CCDC192: variants seen among roughly 807,000 people sequenced by gnomAD.
CCDC192 encodes coiled-coil domain-containing protein 192.
chr5:127,931,920 G>A (rs1490732216), intron 6 of CCDC192, among the ~76,000 whole-genome samples: 2 of 151,978 alleles, frequency 1.3e-5, no homozygotes, highest in African/African-American at 4.8e-5. Flanking sequence ...GGGAGGCCGA[G>A]GCAGGTGGAT....
At chr5:127,939,287 T>C (rs1754298550) in intron 6 of CCDC192, among the ~76,000 whole-genome samples, 1 of 151,702 alleles carries the variant, frequency 6.6e-6, no homozygotes, top group African/African-American at 2.4e-5. Flanking sequence ...CTGGCTAATA[T>C]TTGTATTTTT....
At chr5:127,852,817 G>A (rs1017665514) in intron 5 of CCDC192, among the ~76,000 whole-genome samples, 5 of 151,356 alleles carry the variant, frequency 3.3e-5, no homozygotes, top group East Asian at 3.9e-4. Flanking sequence ...ATCCCTGGCC[G>A]GGTGCGGTGG....
At chr5:127,929,509 A>G (rs1753959429) in intron 6 of CCDC192, among the ~76,000 whole-genome samples, 1 of 152,250 alleles carries the variant, frequency 6.6e-6, no homozygotes. Flanking sequence ...ATTGCATTCA[A>G]GTGTCCTGTC....
intron 3 of CCDC192, chr5:127,785,938 A>T: frequency 2.1e-6 from 1 of 477,866 alleles, no homozygotes; most frequent in Non-Finnish European, 4.0e-6. Context: ...ATGAAGGTCA[A>T]GCACCTTCTG....
intron 5 of CCDC192, among the ~76,000 whole-genome samples, chr5:127,819,984 C>T (rs1368850047): frequency 6.6e-6 from 1 of 152,216 alleles, no homozygotes. Flanking sequence ...CGCACACACA[C>T]TCTCTCACAC....
intron 5 of CCDC192, among the ~76,000 whole-genome samples, chr5:127,822,894 G>T (rs1415871554): frequency 6.6e-6 from 1 of 152,188 alleles, no homozygotes; most frequent in Admixed American, 6.5e-5. Context: ...CCTAGCTTCA[G>T]GGTTAGACCA....
intron 3 of CCDC192, among the ~76,000 whole-genome samples, chr5:127,773,230 A>C (rs1334908879): frequency 6.6e-6 from 1 of 152,200 alleles, no homozygotes; most frequent in African/African-American, 2.4e-5. Flanking sequence ...ATGTAATGCT[A>C]ACAATTTTCT....
chr5:127,780,464 C>T (rs1225485466), intron 3 of CCDC192, among the ~76,000 whole-genome samples: 2 of 152,194 alleles, frequency 1.3e-5, no homozygotes, highest in Non-Finnish European at 2.9e-5. Flanking sequence ...TCCCTGATCA[C>T]TGCATCCATG....
intron 5 of CCDC192, among the ~76,000 whole-genome samples, chr5:127,805,410 A>T (rs1757726852): frequency 6.6e-6 from 1 of 152,236 alleles, no homozygotes; most frequent in African/African-American, 2.4e-5. Flanking sequence ...TTTAAAGCCG[A>T]ATTTCACTTC....
intron 1 of CCDC192, among the ~76,000 whole-genome samples, chr5:127,706,003 G>A (rs961834850): frequency 5.3e-5 from 8 of 152,134 alleles, no homozygotes; most frequent in Non-Finnish European, 1.2e-4. Context: ...GGTGTCGTGC[G>A]AGAAAAGCAA....
chr5:127,758,016 C>T (rs567194385), intron 3 of CCDC192, among the ~76,000 whole-genome samples: 26 of 151,898 alleles, frequency 1.7e-4, no homozygotes, highest in African/African-American at 5.3e-4. Flanking sequence ...GTGGAAGACA[C>T]GACAAGAACC....
chr5:127,916,152 A>G (rs1268995825), intron 6 of CCDC192, among the ~76,000 whole-genome samples: 1 of 152,216 alleles, frequency 6.6e-6, no homozygotes, highest in Non-Finnish European at 1.5e-5. Context: ...AATAGCTTCT[A>G]TTTCAATAAA....
chr5:127,914,430 A>G (rs956212364), intron 6 of CCDC192, among the ~76,000 whole-genome samples: 7 of 152,218 alleles, frequency 4.6e-5, no homozygotes, highest in Non-Finnish European at 8.8e-5. Flanking sequence ...ACACCAATGT[A>G]TAAATACTAT....
intron 6 of CCDC192, among the ~76,000 whole-genome samples, chr5:127,877,892 C>T (rs192417809): frequency 6.6e-6 from 1 of 152,224 alleles, no homozygotes; most frequent in East Asian, 1.9e-4. Flanking sequence ...GAAAGATGCT[C>T]CAGTCATAAC....
chr5:127,814,948 GT>G (rs569860479), intron 5 of CCDC192, among the ~76,000 whole-genome samples: 4 of 151,864 alleles, frequency 2.6e-5, no homozygotes, highest in South Asian at 2.1e-4. Flanking sequence ...TCTCTGATGG[GT>G]TTTTTTTATT....
chr5:127,804,143 T>C (rs1757656326), intron 5 of CCDC192, among the ~76,000 whole-genome samples: 1 of 152,202 alleles, frequency 6.6e-6, no homozygotes, highest in Admixed American at 6.5e-5. Context: ...AGCGGACTGC[T>C]CCCTCCTAGA....
At chr5:127,719,728 A>G (rs955534013) in intron 2 of CCDC192, among the ~76,000 whole-genome samples, 2 of 150,248 alleles carry the variant, frequency 1.3e-5, no homozygotes, top group Non-Finnish European at 3.0e-5. Context: ...GGTTCTGCTC[A>G]TGGTTCTACA....
chr5:127,918,956 T>C (rs947599347), intron 6 of CCDC192, among the ~76,000 whole-genome samples: 2 of 128,224 alleles, frequency 1.6e-5, no homozygotes, highest in African/African-American at 6.8e-5. Flanking sequence ...TGTGTATATA[T>C]GTGTGTGTCT....
chr5:127,707,103 T>A, intron 1 of CCDC192, among the ~76,000 whole-genome samples: 1 of 152,198 alleles, frequency 6.6e-6, no homozygotes, highest in Admixed American at 6.5e-5. Context: ...GGAGTGGTAC[T>A]AGTAGTGGTA....
Sources: allele counts gnomAD v4.1 joint callset (sites outside exome capture counted in the v4.1 genomes callset), GRCh38; gene constraint gnomAD v4.1.1; transcripts MANE v1.5; gene names NCBI Gene and HGNC (gene_info 2026-07-23, HGNC 2026-07-21).